BIN2: variants seen among roughly 807,000 people sequenced by gnomAD.
BIN2 encodes the protein breast cancer associated protein BRAP1.
In BIN2, 43 loss-of-function variants were observed where a neutral mutation model predicts 67.9. The observed-to-expected ratio is 0.63, with a 90% confidence interval of 0.50 to 0.82. The LOEUF is 0.82. Among genes scored for constraint, BIN2 ranks in the 40% least tolerant of loss-of-function variants. The pLI is 0.00. For synonymous variants in BIN2, 244 were observed against 246.8 expected, an observed-to-expected ratio of 0.99 and a Z score of 0.11; for missense variants, 581 against 671.6, an observed-to-expected ratio of 0.87 and a Z score of 1.49.
chr12:51,306,154 C>T (rs2137410742), intron 2 of BIN2, among the ~76,000 whole-genome samples: 2 of 152,102 alleles, frequency 1.3e-5, no homozygotes, highest in South Asian at 4.2e-4. Context: ...CACTTCTAAG[C>T]TAGTCCAAAC....
intron 10 of BIN2, among the ~76,000 whole-genome samples, chr12:51,290,177 T>G (rs1945345993): frequency 6.6e-6 from 1 of 151,930 alleles, no homozygotes; most frequent in South Asian, 2.1e-4. Flanking sequence ...TGGAGTGCAG[T>G]GATGTGATGT....
At chr12:51,317,202 C>T (rs566290373) in intron 1 of BIN2, among the ~76,000 whole-genome samples, 2 of 152,162 alleles carry the variant, frequency 1.3e-5, no homozygotes, top group South Asian at 4.1e-4. Flanking sequence ...TTTGTTTATT[C>T]TCCTAAACTA....
intron 1 of BIN2, among the ~76,000 whole-genome samples, chr12:51,321,622 CT>C: frequency 6.6e-6 from 1 of 152,204 alleles, no homozygotes; most frequent in Non-Finnish European, 1.5e-5. Flanking sequence ...TGGTCTCGAA[CT>C]CCCGACCTCA....
rs897361854 is a variant in BIN2 at position 51,292,075 on chromosome 12, G to A, written c.1031C>T (p.Ala344Val). The change falls in exon 10 of 13, where the codon GCC becomes GTC. Residue 344 changes from alanine to valine, a missense_variant. Coordinates refer to ENST00000615107, the MANE Select transcript of BIN2 (RefSeq NM_016293.4). ...AGTGGTAGGAGAGGGCTGGGCCTGG[G>A]CGGGGCCATTGCAGGCTGGTAGAGG... is the stretch of plus-strand genomic sequence containing the variant. The part of the protein sequence containing the change: ...DEPLPACNGP[A>V]QAQPSPTTER... 29 of 1,614,058 alleles carry A rather than the reference G, an allele frequency of 1.8e-5. No homozygotes were observed. Among genetic ancestry groups the A allele is most frequent in the Non-Finnish European group, 2.1e-5 (25 of 1,180,026 alleles).
chr12:51,295,998 G>A lies in BIN2; in HGVS notation c.679-120C>T, dbSNP rs1018414033. 2.9e-5 allele frequency: 22 copies of A among 746,136 alleles called. No individual in the cohort carries two copies. In the Admixed American group the frequency reaches 4.5e-4, roughly 15 times the overall value. 46.2% of individuals were successfully genotyped at this position (746,136 alleles called of 1,614,324 possible). Reference sequence around the variant, plus strand: ...AAAACCTCCCCCTTTCAATTCTGATGTGAATTCCTCTTCATCTGTCTAGCA... The same window carrying A: ...AAAACCTCCCCCTTTCAATTCTGATATGAATTCCTCTTCATCTGTCTAGCA... On this transcript the variant is annotated intron_variant, in intron 8 of 12. Transcript: ENST00000615107.
chr12:51,307,164 T>C (rs983384756), intron 2 of BIN2, among the ~76,000 whole-genome samples: 2 of 150,812 alleles, frequency 1.3e-5, no homozygotes, highest in African/African-American at 4.9e-5. Flanking sequence ...ACGCCTGTAA[T>C]ACCAGCTACT....
intron 9 of BIN2, among the ~76,000 whole-genome samples, chr12:51,295,392 CAAAAAA>C (rs1178848004): frequency 0.046 from 4,202 of 91,742 alleles, 107 homozygotes; most frequent in South Asian, 0.15. Flanking sequence ...ACTAAAAATA[CAAAAAA>C]AAAAAAAAAA....
intron 11 of BIN2, among the ~76,000 whole-genome samples, chr12:51,286,122 T>A (rs940470859): frequency 6.6e-6 from 1 of 151,998 alleles, no homozygotes; most frequent in African/African-American, 2.4e-5. Context: ...TTCCCAGTAA[T>A]TTTTTTTCAA....
At chr12:51,296,510 C>A (rs557746875) in intron 8 of BIN2, among the ~76,000 whole-genome samples, 291 of 150,176 alleles carry the variant, frequency 1.9e-3, no homozygotes, top group Non-Finnish European at 3.0e-3. Flanking sequence ...AAAAAAAAAA[C>A]CAAAAAACCT....
intron 9 of BIN2, among the ~76,000 whole-genome samples, chr12:51,292,645 G>C (rs1304549378): frequency 6.6e-6 from 1 of 152,144 alleles, no homozygotes; most frequent in East Asian, 1.9e-4. Flanking sequence ...GAACTACACA[G>C]ATTTCATATC....
At chr12:51,295,930 G>T (rs1041551668) in intron 8 of BIN2, 52 bp from the exon 9 acceptor site, 2 of 1,449,108 alleles carry the variant, frequency 1.4e-6, no homozygotes, top group African/African-American at 1.4e-5. Context: ...ACCCGAGAGT[G>T]GCATATCCCT....
Position 51,288,134 on chromosome 12 carries a change from T to G in BIN2, c.1570A>C (p.Lys524Gln). The change falls in exon 11 of 13, where the codon AAG becomes CAG. Residue 524 changes from lysine to glutamine, a missense_variant. Physicochemically the swap from Lys to Gln is moderately conservative, Grantham distance 53 (BLOSUM62 1). Coordinates refer to ENST00000615107, the MANE Select transcript of BIN2 (RefSeq NM_016293.4). The part of the protein sequence containing the change: ...KKMEDKEKDN[K>Q]LISANSSEGQ... ...TCCGAGGAGTTAGCTGAGATAAGCT[T>G]ATTATCCTTTTCCTTGTCTTCCATC... is the stretch of plus-strand genomic sequence containing the variant. The G allele has an allele frequency of 6.2e-7, 1 of 1,613,854 alleles. No homozygotes were observed. The highest frequency in any genetic ancestry group is 8.5e-7 in the Non-Finnish European group (1 of 1,179,762).
rs745964323 is a variant in BIN2 at position 51,281,469 on chromosome 12, T to C, written c.*30A>G. 6.2e-7 allele frequency: 1 copy of C among 1,611,020 alleles called. No individual in the cohort carries two copies. The highest frequency in any genetic ancestry group is 2.2e-5 in the East Asian group (1 of 44,864). ...GTTGAAGAGCTTCTCTGGCGAGGTT[T>C]GGGGCAGGAGGAGTCTTGGTAGTTT... On this transcript the variant is annotated 3_prime_UTR_variant, in exon 13 of 13. Coordinates refer to ENST00000615107, the MANE Select transcript of BIN2 (RefSeq NM_016293.4).
intron 2 of BIN2, 103 bp downstream of exon 2, chr12:51,313,720 G>T: frequency 1.9e-6 from 2 of 1,046,786 alleles, no homozygotes; most frequent in Admixed American, 1.8e-5. Context: ...AGGGTGGCTT[G>T]GTGGAGATGT....
chr12:51,284,428 T>TA (rs751771922), intron 12 of BIN2, among the ~76,000 whole-genome samples: 12 of 151,916 alleles, frequency 7.9e-5, no homozygotes, highest in African/African-American at 1.2e-4. Flanking sequence ...TTTTTGCATT[T>TA]AAAAAAAATA....
intron 12 of BIN2, among the ~76,000 whole-genome samples, chr12:51,284,084 A>G (rs1448584284): frequency 6.6e-6 from 1 of 152,080 alleles, no homozygotes; most frequent in East Asian, 1.9e-4. Flanking sequence ...GTAATGTCCT[A>G]GGCCTTCACA....
At chr12:51,321,880 A>G (rs1946292326) in intron 1 of BIN2, among the ~76,000 whole-genome samples, 1 of 152,204 alleles carries the variant, frequency 6.6e-6, no homozygotes, top group South Asian at 2.1e-4. Flanking sequence ...CTCCCTCTTT[A>G]TCTTGGTCTC....
chr12:51,304,491 C>T (rs778990958), intron 2 of BIN2, among the ~76,000 whole-genome samples: 3 of 152,156 alleles, frequency 2.0e-5, no homozygotes, highest in Admixed American at 2.0e-4. Flanking sequence ...AGACATCTGA[C>T]GTTCTGGAAC....
intron 2 of BIN2, among the ~76,000 whole-genome samples, chr12:51,313,156 T>C (rs1946035616): frequency 7.0e-6 from 1 of 142,536 alleles, no homozygotes; most frequent in Non-Finnish European, 1.5e-5. Flanking sequence ...GAGAATTGCC[T>C]GAACCTGGAA....
Sources: gnomAD v4.1 joint callset for allele counts (sites outside exome capture counted in the v4.1 genomes callset) on GRCh38, gnomAD v4.1.1 for gene constraint, MANE v1.5 for transcripts, NCBI Gene and HGNC (gene_info 2026-07-23, HGNC 2026-07-21) for gene names.